NUP107: variants seen among roughly 807,000 people sequenced by gnomAD.
The protein encoded by NUP107 is nuclear pore complex protein Nup107.
In NUP107, 101 loss-of-function variants were observed where a neutral mutation model predicts 141.0. The ratio of observed to expected loss-of-function variants is 0.72; its 90% CI spans 0.61 to 0.84. The LOEUF is 0.84. NUP107 is among the 40% of genes least tolerant of loss of function. The pLI is 0.00. For missense variants in NUP107, 941 were observed against 1,102.7 expected (o/e 0.85, Z 2.08); for synonymous variants, 319 against 363.9 (o/e 0.88, Z 1.41).
intron 8 of NUP107, among the ~76,000 whole-genome samples, chr12:68,704,509 A>G (rs916502777): frequency 6.6e-6 from 1 of 151,416 alleles, no homozygotes; most frequent in African/African-American, 2.4e-5. Flanking sequence ...GCTGGAGTGC[A>G]GTGGCGTGAT....
chr12:68,731,749 T>C lies in NUP107; in HGVS notation c.1998+30T>C, dbSNP rs550123327. ...TTTGGGATGGGGGGGCAGAGGTTTC[T>C]ATAACTTCTAATAATCTTTTATGTT... On this transcript the variant is annotated intron_variant, in intron 22 of 27. Coordinates refer to ENST00000229179, the MANE Select transcript of NUP107 (RefSeq NM_020401.4). 19 of 1,146,522 alleles carry C rather than the reference T, an allele frequency of 1.7e-5. No individual in the cohort carries two copies. The South Asian group carries it at 2.7e-4, about 16-fold the overall frequency. 71.0% of individuals were successfully genotyped at this position (1,146,522 alleles called of 1,614,324 possible).
intron 8 of NUP107, among the ~76,000 whole-genome samples, chr12:68,703,575 C>T (rs1312771244): frequency 1.3e-5 from 2 of 151,904 alleles, no homozygotes; most frequent in African/African-American, 4.8e-5. Flanking sequence ...CTCAGCCTCC[C>T]GAGTAGCTGG....
In NUP107 at chr12:68,688,931, CACTT is replaced by C. The variant is rs541617082; in HGVS notation, c.9-29_9-26del. On this transcript the variant is annotated intron_variant, in intron 1 of 27. Transcript: ENST00000229179. Reference sequence around the variant, plus strand: ...CTTTATAAATGCTATATTCTCGTTTCACTTATATAAGCTTGATTATACTACTTTA... The same window carrying C: ...CTTTATAAATGCTATATTCTCGTTTCATATAAGCTTGATTATACTACTTTA... The C allele has an allele frequency of 8.3e-5, 125 of 1,508,838 alleles. No individual in the cohort carries two copies. The South Asian group carries it at 1.4e-3, about 17-fold the overall frequency. The allele number at this position is 1,508,838 out of a possible 1,614,324, so 93.5% of individuals were successfully genotyped here.
chr12:68,734,705 T>C lies in NUP107; in HGVS notation c.2263-3T>C. ...ATTTTGGTTTTTTTATTTCACATTT[T>C]AGGAAGCCCATGAAACCTTTAATGA... On this transcript the variant is annotated splice_polypyrimidine_tract_variant and splice_region_variant and intron_variant, in intron 24 of 27. Transcript: ENST00000229179. 6.6e-7 allele frequency: 1 copy of C among 1,525,544 alleles called. No homozygotes were observed. Among genetic ancestry groups the C allele is most frequent in the Non-Finnish European group, 8.8e-7 (1 of 1,136,602 alleles). The allele number at this position is 1,525,544 out of a possible 1,614,324, so 94.5% of individuals were successfully genotyped here.
At position 68,702,765 on chromosome 12, in the gene NUP107, A is replaced by G. The variant is rs572717086; in HGVS notation, c.710A>G (p.Glu237Gly). Residue 237 changes from glutamate (E) to glycine (G), a missense_variant, in exon 8 of 28, where the codon GAA becomes GGA. Physicochemically the swap from Glu to Gly is moderately conservative, Grantham distance 98. Transcript: ENST00000229179. The stretch of plus-strand genomic sequence containing the variant: ...AGAATACAGTCTGCATTAGAAGAGG[A>G]AAGTGTATTCGCAGTTACTGTAAGT... ...RDRIQSALEE[E>G]SVFAVTAVNA... 1.9e-6 allele frequency: 3 copies of G among 1,545,392 alleles called. No homozygotes were observed. In the Admixed American group the frequency reaches 5.7e-5, roughly 30 times the overall value.
chr12:68,735,168 T>C (rs1878014582), intron 25 of NUP107, 63 bp from the exon 26 acceptor site: 1 of 1,106,868 alleles, frequency 9.0e-7, no homozygotes, highest in Non-Finnish European at 1.4e-6. Context: ...CTGTCTGTAT[T>C]TTCCAAATAC....
At chr12:68,702,393 G>A (rs1876374023) in intron 7 of NUP107, among the ~76,000 whole-genome samples, 1 of 151,972 alleles carries the variant, frequency 6.6e-6, no homozygotes. Flanking sequence ...CCAAAATGCT[G>A]AGATTACAAG....
chr12:68,702,609 A>G (rs1876384295), intron 7 of NUP107, 127 bp from the exon 8 acceptor site: 2 of 629,426 alleles, frequency 3.2e-6, no homozygotes, highest in Non-Finnish European at 5.5e-6. Context: ...TACATATTTG[A>G]AAAAATAAAT....
rs745961066 is a variant in NUP107 at position 68,709,988 on chromosome 12, TTTTC to T, written c.802-6_802-3del. 8 of 1,479,262 alleles carry T rather than the reference TTTTC, an allele frequency of 5.4e-6. No individual in the cohort carries two copies. Among genetic ancestry groups the T allele is most frequent in the South Asian group, 4.6e-5 (4 of 87,204 alleles). 91.6% of individuals were successfully genotyped at this position (1,479,262 alleles called of 1,614,324 possible). A position where few individuals can be genotyped will look rare whatever the true frequency, so the allele number is the denominator to read the frequency against. Reference sequence around the variant, plus strand: ...TTTGGTAGTTAACACTAATTTATTTTTTTCTTTCTTTCTTAGCTGGTGGTAGATT... The same window carrying T: ...TTTGGTAGTTAACACTAATTTATTTTTTTCTTTCTTAGCTGGTGGTAGATT... On this transcript the variant is annotated splice_polypyrimidine_tract_variant and intron_variant, in intron 9 of 27. Coordinates refer to ENST00000229179, the MANE Select transcript of NUP107 (RefSeq NM_020401.4).
chr12:68,690,050 CAT>C, intron 3 of NUP107: 1 of 156,004 alleles, frequency 6.4e-6, no homozygotes, highest in Admixed American at 6.5e-5. Context: ...CGTGGTGGCA[CAT>C]GCCTGTAATC....
At chr12:68,738,873 G>C (rs188705842) in intron 26 of NUP107, among the ~76,000 whole-genome samples, 207 of 152,230 alleles carry the variant, frequency 1.4e-3, no homozygotes, top group Middle Eastern at 3.4e-3. Flanking sequence ...ACATGCGACT[G>C]TCTTACCCAG....
chr12:68,728,536 G>C (rs999990990), intron 20 of NUP107, among the ~76,000 whole-genome samples: 3 of 145,072 alleles, frequency 2.1e-5, no homozygotes, highest in African/African-American at 7.6e-5. Flanking sequence ...CGGTTCTCCT[G>C]CCTCAGCCTC....
intron 6 of NUP107, among the ~76,000 whole-genome samples, chr12:68,698,224 C>CT (rs1326772529): frequency 2.6e-5 from 4 of 152,022 alleles, no homozygotes; most frequent in Non-Finnish European, 5.9e-5. Context: ...CAAGACCAGC[C>CT]TGGGCAGCAT....
chr12:68,707,300 CA>C (rs964151079), intron 8 of NUP107, among the ~76,000 whole-genome samples: 4 of 139,290 alleles, frequency 2.9e-5, no homozygotes, highest in Non-Finnish European at 6.6e-5. Flanking sequence ...TGCCAACTGT[CA>C]AAAAAGAAAA....
chr12:68,717,272 A>T (rs1228697170), intron 12 of NUP107, among the ~76,000 whole-genome samples: 1 of 152,204 alleles, frequency 6.6e-6, no homozygotes, highest in Non-Finnish European at 1.5e-5. Context: ...TCAAGGTCTC[A>T]CTAGCTTTAT....
chr12:68,699,265 C>T lies in NUP107; in HGVS notation c.553-1461C>T, dbSNP rs548957117. On this transcript the variant is annotated intron_variant, in intron 6 of 27. Coordinates refer to ENST00000229179, the MANE Select transcript of NUP107 (RefSeq NM_020401.4). ...GTGGGCACCTGTAATCCCAGCTACT[C>T]GGGAGGCTGAGGTGGGAGAATCGCT... 4.4e-4 allele frequency among the ~76,000 whole-genome samples: 67 copies of T among 151,974 alleles called. No homozygotes were observed. The East Asian group carries it at 0.012, about 27-fold the overall frequency.
chr12:68,687,859 G>A (rs945689196), intron 1 of NUP107: 9 of 177,600 alleles, frequency 5.1e-5, no homozygotes, highest in Non-Finnish European at 9.8e-5. Context: ...AGAGGTTAAG[G>A]AACTTGCTGA....
intron 26 of NUP107, among the ~76,000 whole-genome samples, chr12:68,736,526 T>A (rs1271146996): frequency 6.6e-6 from 1 of 151,956 alleles, no homozygotes; most frequent in Non-Finnish European, 1.5e-5. Flanking sequence ...AAGCAGTCCT[T>A]CTGCCTCAGC....
At chr12:68,712,145 G>A (rs1057151672) in intron 10 of NUP107, among the ~76,000 whole-genome samples, 1 of 152,098 alleles carries the variant, frequency 6.6e-6, no homozygotes, top group African/African-American at 2.4e-5. Context: ...TAAAAGGTCA[G>A]ATTGTGGCTG....
Sources: gnomAD v4.1 joint callset for allele counts (sites outside exome capture counted in the v4.1 genomes callset) on GRCh38, gnomAD v4.1.1 for gene constraint, MANE v1.5 for transcripts, NCBI Gene and HGNC (gene_info 2026-07-23, HGNC 2026-07-21) for gene names.